The following KCNH5 variants were observed in gnomAD, a reference collection of about 807,000 sequenced individuals.
KCNH5 encodes the protein voltage-gated delayed rectifier potassium channel KCNH5.
KCNH5 carries 46 observed loss-of-function variants against 96.1 expected under a neutral mutation model. That is an observed-to-expected ratio of 0.48 (90% CI 0.38 to 0.61). The LOEUF (loss-of-function observed/expected upper bound fraction) is 0.61. Ranked by LOEUF, KCNH5 falls within the 20% of genes least tolerant of loss-of-function variation. The pLI is 0.00. For synonymous variants in KCNH5, 439 were observed against 449.8 expected (o/e 0.98, Z 0.30); for missense variants, 907 against 1,225.8 (o/e 0.74, Z 3.88).
intron 6 of KCNH5, among the ~76,000 whole-genome samples, chr14:62,957,374 C>T (rs77149800): frequency 0.012 from 1,845 of 152,272 alleles, 17 homozygotes; most frequent in Admixed American, 0.02. Flanking sequence ...GGACACGTTG[C>T]AATTAAGTGG....
chr14:63,026,873 A>C (rs1262318843), intron 1 of KCNH5, among the ~76,000 whole-genome samples: 1 of 152,154 alleles, frequency 6.6e-6, no homozygotes, highest in Non-Finnish European at 1.5e-5. Context: ...AAGGAAATTA[A>C]ATCAGCATGT....
At chr14:62,936,759 CG>C (rs1566714322) in intron 7 of KCNH5, among the ~76,000 whole-genome samples, 1 of 151,294 alleles carries the variant, frequency 6.6e-6, no homozygotes, top group Non-Finnish European at 1.5e-5. Context: ...AGGCAGATCA[CG>C]AGGTCAGGAG....
At chr14:63,037,854 A>T (rs1230174986) in intron 1 of KCNH5, among the ~76,000 whole-genome samples, 1 of 152,194 alleles carries the variant, frequency 6.6e-6, no homozygotes, top group African/African-American at 2.4e-5. Flanking sequence ...CAGGGATAAA[A>T]CTCACCATCA....
Position 62,705,889 on chromosome 14 carries a change from T to C in KCNH5, c.*1619A>G, listed in dbSNP as rs942896868. 2.0e-5 allele frequency: 3 copies of C among 152,140 alleles called. No homozygotes were observed. Among genetic ancestry groups the C allele is most frequent in the East Asian group, 3.8e-4 (2 of 5,204 alleles). The allele number at this position is 152,140 out of a possible 1,614,324, so 9.4% of individuals were successfully genotyped here. On this transcript the variant is annotated 3_prime_UTR_variant, in exon 11 of 11. Transcript: ENST00000322893. Reference sequence around the variant, plus strand: ...CATATTGTTAACATATATGTACAGATGGTCCCGTAATATATAAATTACTCA... The same window carrying C: ...CATATTGTTAACATATATGTACAGACGGTCCCGTAATATATAAATTACTCA...
intron 10 of KCNH5, among the ~76,000 whole-genome samples, chr14:62,721,851 C>T (rs1045331663): frequency 2.6e-5 from 4 of 151,922 alleles, no homozygotes; most frequent in Admixed American, 6.6e-5. Flanking sequence ...GAAAATATAC[C>T]AAATGTTTTG....
chr14:62,736,328 T>G (rs1399659933), intron 10 of KCNH5, among the ~76,000 whole-genome samples: 4 of 151,894 alleles, frequency 2.6e-5, no homozygotes, highest in African/African-American at 9.7e-5. Context: ...AGAGCAGAAA[T>G]GAAAGTCCTT....
At chr14:62,822,605 A>T (rs964257034) in intron 8 of KCNH5, among the ~76,000 whole-genome samples, 14 of 151,378 alleles carry the variant, frequency 9.2e-5, no homozygotes, top group Admixed American at 6.0e-4. Flanking sequence ...CCTCAACCTA[A>T]CCCTCAAACC....
chr14:62,819,140 G>A (rs956570905), intron 8 of KCNH5, among the ~76,000 whole-genome samples: 3 of 151,992 alleles, frequency 2.0e-5, no homozygotes, highest in African/African-American at 7.2e-5. Context: ...CTAATTTTTT[G>A]TATTTTTCGT....
At chr14:62,902,244 T>C (rs368677263) in intron 7 of KCNH5, among the ~76,000 whole-genome samples, 69 of 152,270 alleles carry the variant, frequency 4.5e-4, no homozygotes, top group African/African-American at 1.6e-3. Context: ...ATTTTTGATT[T>C]TTCTTCAGTT....
chr14:62,902,845 G>A (rs571791337), intron 7 of KCNH5, among the ~76,000 whole-genome samples: 167 of 151,372 alleles, frequency 1.1e-3, no homozygotes, highest in African/African-American at 3.7e-3. Context: ...TCAGCCTCCC[G>A]AGTAGCTGGG....
chr14:62,825,940 A>T (rs1278629512), intron 8 of KCNH5, among the ~76,000 whole-genome samples: 3 of 152,090 alleles, frequency 2.0e-5, no homozygotes, highest in Admixed American at 6.6e-5. Context: ...TTGTGATCAA[A>T]TATACAGTTT....
intron 9 of KCNH5, among the ~76,000 whole-genome samples, chr14:62,796,528 T>C (rs1322402205): frequency 1.3e-5 from 2 of 152,184 alleles, no homozygotes; most frequent in Admixed American, 6.5e-5. Flanking sequence ...AAGACTTAGA[T>C]AGAGATTGTC....
chr14:62,805,625 A>T (rs1236979497), intron 8 of KCNH5, among the ~76,000 whole-genome samples: 1 of 152,182 alleles, frequency 6.6e-6, no homozygotes. Flanking sequence ...TAAAATTATC[A>T]TTCAAGACCT....
intron 1 of KCNH5, among the ~76,000 whole-genome samples, chr14:63,019,317 A>C (rs1020175852): frequency 7.9e-5 from 12 of 152,246 alleles, no homozygotes; most frequent in African/African-American, 2.9e-4. Flanking sequence ...TGAAAATGAC[A>C]ACAGGCTTTT....
At chr14:62,881,183 C>A (rs1888484154) in intron 7 of KCNH5, among the ~76,000 whole-genome samples, 1 of 152,056 alleles carries the variant, frequency 6.6e-6, no homozygotes, top group African/African-American at 2.4e-5. Context: ...TCAATGATAC[C>A]CTGACACAGT....
At chr14:62,890,459 G>T (rs1165494039) in intron 7 of KCNH5, among the ~76,000 whole-genome samples, 1 of 151,958 alleles carries the variant, frequency 6.6e-6, no homozygotes, top group Non-Finnish European at 1.5e-5. Context: ...ACTTTGGGAG[G>T]CCGAGGCGGG....
Position 62,908,309 on chromosome 14 carries a change from G to A in KCNH5, c.1369+41824C>T, listed in dbSNP as rs573036707. On this transcript the variant is annotated intron_variant, in intron 7 of 10. Transcript: ENST00000322893. ...GTCAACGGGTTTGTTAGTTGTCAGGGGAGCAGAGATGAGCACAGACATGAC... is the reference window on the plus strand; with the variant it reads ...GTCAACGGGTTTGTTAGTTGTCAGGAGAGCAGAGATGAGCACAGACATGAC... Among the ~76,000 whole-genome samples the A allele has an allele frequency of 8.2e-4, 125 of 152,220 alleles. 3 individuals carry two copies. In the South Asian group the frequency reaches 0.025, roughly 30 times the overall value.
intron 9 of KCNH5, among the ~76,000 whole-genome samples, chr14:62,783,926 CTACTT>C (rs1274622395): frequency 4.0e-5 from 6 of 150,810 alleles, no homozygotes; most frequent in Non-Finnish European, 8.8e-5. Flanking sequence ...ATTAAGAAAT[CTACTT>C]TATCTTCTTT....
At chr14:62,717,640 C>T (rs1884713020) in intron 10 of KCNH5, among the ~76,000 whole-genome samples, 1 of 152,110 alleles carries the variant, frequency 6.6e-6, no homozygotes, top group African/African-American at 2.4e-5. Flanking sequence ...CAAAATTAAA[C>T]TTATAATGGA....
Sources: gnomAD v4.1 joint callset for allele counts (sites outside exome capture counted in the v4.1 genomes callset) on GRCh38, gnomAD v4.1.1 for gene constraint, MANE v1.5 for transcripts, NCBI Gene and HGNC (gene_info 2026-07-23, HGNC 2026-07-21) for gene names.